Variants in PPM1E observed in about 807,000 individuals in gnomAD.
The protein encoded by PPM1E is protein phosphatase 1E.
Under a neutral mutation model 65.9 loss-of-function variants are expected in PPM1E, and 20 were observed. The ratio of observed to expected loss-of-function variants is 0.30; its 90% CI spans 0.21 to 0.44. PPM1E has a LOEUF of 0.44. Ranked by LOEUF, PPM1E falls within the 20% of genes least tolerant of loss-of-function variation. The pLI is 1.00. For missense variants in PPM1E, 713 were observed against 953.1 expected (o/e 0.75, Z 3.32); for synonymous variants, 352 against 374.9 (o/e 0.94, Z 0.70).
chr17:58,967,519 TAGAG>T (rs757900792), intron 3 of PPM1E, among the ~76,000 whole-genome samples: 2,319 of 145,134 alleles, frequency 0.016, 33 homozygotes, highest in South Asian at 0.04. Context: ...TATATATATA[TAGAG>T]AGAGAGAGAG....
chr17:58,787,813 AG>A (rs1272473589), intron 1 of PPM1E, among the ~76,000 whole-genome samples: 1 of 151,006 alleles, frequency 6.6e-6, no homozygotes, highest in Non-Finnish European at 1.5e-5. Context: ...AGGCTGAGGC[AG>A]GAGAATGGTG....
At chr17:58,884,514 T>G (rs1239194522) in intron 1 of PPM1E, among the ~76,000 whole-genome samples, 2 of 152,188 alleles carry the variant, frequency 1.3e-5, no homozygotes, top group Non-Finnish European at 2.9e-5. Context: ...TATTTTAAAA[T>G]TTGCCTTAAT....
At chr17:58,774,615 T>C (rs1433479290) in intron 1 of PPM1E, among the ~76,000 whole-genome samples, 2 of 152,164 alleles carry the variant, frequency 1.3e-5, no homozygotes, top group Admixed American at 6.6e-5. Context: ...CTAATAGTAC[T>C]GTCAGAAATA....
intron 1 of PPM1E, among the ~76,000 whole-genome samples, chr17:58,812,055 C>T (rs867453198): frequency 2.0e-5 from 3 of 151,914 alleles, no homozygotes; most frequent in Admixed American, 2.0e-4. Flanking sequence ...AGACCTTGCT[C>T]ATTAAATCCT....
intron 1 of PPM1E, among the ~76,000 whole-genome samples, chr17:58,793,887 A>C (rs2050181266): frequency 6.6e-6 from 1 of 152,206 alleles, no homozygotes; most frequent in East Asian, 1.9e-4. Flanking sequence ...TCTGTTGCCC[A>C]AGCTGAAGTG....
At chr17:58,869,903 A>G (rs2051050958) in intron 1 of PPM1E, among the ~76,000 whole-genome samples, 1 of 152,232 alleles carries the variant, frequency 6.6e-6, no homozygotes, top group South Asian at 2.1e-4. Flanking sequence ...TTTATCAAAG[A>G]TGAACGAATT....
intron 2 of PPM1E, among the ~76,000 whole-genome samples, chr17:58,956,805 C>A (rs965925436): frequency 1.3e-5 from 2 of 151,966 alleles, no homozygotes; most frequent in African/African-American, 4.8e-5. Context: ...AAAGCATTTG[C>A]CTTTAATCAT....
intron 1 of PPM1E, among the ~76,000 whole-genome samples, chr17:58,803,658 A>G (rs2050279172): frequency 6.6e-6 from 1 of 152,222 alleles, no homozygotes; most frequent in Non-Finnish European, 1.5e-5. Context: ...AAATGTCTCC[A>G]GCCAGATGTC....
rs1362624974 is a variant in PPM1E at position 58,983,348 on chromosome 17, A to G, written c.*2317A>G. The G allele has an allele frequency of 6.3e-6, 1 of 158,912 alleles. No homozygotes were observed. Among genetic ancestry groups the G allele is most frequent in the Admixed American group, 6.2e-5 (1 of 16,040 alleles). The allele number at this position is 158,912 out of a possible 1,614,324, so 9.8% of individuals were successfully genotyped here. A position where few individuals can be genotyped will look rare whatever the true frequency, so the allele number is the denominator to read the frequency against. On this transcript the variant is annotated 3_prime_UTR_variant, in exon 7 of 7. Transcript: ENST00000308249. ...CCATTTGTAAGGTAAATCCTTTAAA[A>G]TTCTATAATACATACTAAAATAGTG...
Position 58,794,556 on chromosome 17 carries a change from C to T in PPM1E, c.464+38095C>T, listed in dbSNP as rs542667707. Among the ~76,000 whole-genome samples, 4 of 152,220 alleles carry T rather than the reference C, an allele frequency of 2.6e-5. No individual in the cohort carries two copies. In the South Asian group the frequency reaches 8.3e-4, roughly 32 times the overall value. On this transcript the variant is annotated intron_variant, in intron 1 of 6. Transcript: ENST00000308249. Reference sequence around the variant, plus strand: ...AATAGGTAGTTTTTCAATCTTCACTCTTCTCCCACTCTTCATCTTCCGGTA... The same window carrying T: ...AATAGGTAGTTTTTCAATCTTCACTTTTCTCCCACTCTTCATCTTCCGGTA...
chr17:58,951,025 G>T (rs188181499), intron 1 of PPM1E, among the ~76,000 whole-genome samples: 1 of 152,056 alleles, frequency 6.6e-6, no homozygotes, highest in African/African-American at 2.4e-5. Context: ...TGATCTGCCC[G>T]CCTCGGCCTC....
intron 1 of PPM1E, among the ~76,000 whole-genome samples, chr17:58,935,576 A>C (rs911264473): frequency 6.6e-6 from 1 of 152,192 alleles, no homozygotes; most frequent in African/African-American, 2.4e-5. Flanking sequence ...TGTGCTATCT[A>C]ATTTCTTCTC....
chr17:58,958,657 A>T (rs79215842), intron 2 of PPM1E, among the ~76,000 whole-genome samples: 1,724 of 152,240 alleles, frequency 0.011, 14 homozygotes, highest in Middle Eastern at 0.041. Context: ...CCTAAGAAGA[A>T]AGAGATTGAG....
At chr17:58,803,980 G>C (rs2050282325) in intron 1 of PPM1E, among the ~76,000 whole-genome samples, 2 of 152,202 alleles carry the variant, frequency 1.3e-5, no homozygotes, top group African/African-American at 4.8e-5. Flanking sequence ...CCAGGTTGGA[G>C]TGCACTGGCA....
At chr17:58,950,552 C>CA (rs2052221580) in intron 1 of PPM1E, among the ~76,000 whole-genome samples, 1 of 152,062 alleles carries the variant, frequency 6.6e-6, no homozygotes, top group South Asian at 2.1e-4. Flanking sequence ...CTGGAATGCC[C>CA]ATAATGCAAT....
intron 1 of PPM1E, among the ~76,000 whole-genome samples, chr17:58,801,897 C>T (rs1245359767): frequency 3.9e-5 from 6 of 152,094 alleles, no homozygotes; most frequent in Non-Finnish European, 2.9e-5. Context: ...ACTGGGATTA[C>T]AGGCACATGC....
intron 2 of PPM1E, among the ~76,000 whole-genome samples, chr17:58,959,737 A>G (rs1196895837): frequency 6.6e-6 from 1 of 152,102 alleles, no homozygotes; most frequent in Non-Finnish European, 1.5e-5. Context: ...CATTCACTGA[A>G]TATTTTATTG....
At chr17:58,794,888 C>CTT (rs35841208) in intron 1 of PPM1E, among the ~76,000 whole-genome samples, 18 of 131,600 alleles carry the variant, frequency 1.4e-4, no homozygotes, top group Admixed American at 3.9e-4. Context: ...GTACATGTGT[C>CTT]TTTTTTTTTT....
chr17:58,889,496 G>A (rs1351002701), intron 1 of PPM1E, among the ~76,000 whole-genome samples: 2 of 152,208 alleles, frequency 1.3e-5, no homozygotes, highest in African/African-American at 2.4e-5. Context: ...CTACTTGGGA[G>A]GGTGAGGCAG....
Sources: gnomAD v4.1 joint callset for allele counts (sites outside exome capture counted in the v4.1 genomes callset) on GRCh38, gnomAD v4.1.1 for gene constraint, MANE v1.5 for transcripts, NCBI Gene and HGNC (gene_info 2026-07-23, HGNC 2026-07-21) for gene names.